PGAP6: variants seen among roughly 807,000 people sequenced by gnomAD.
The protein encoded by PGAP6 is post-GPI attachment to proteins 6, also known as post-GPI attachment to proteins factor 6.
Under a neutral mutation model 68.4 loss-of-function variants are expected in PGAP6, and 62 were observed. The ratio of observed to expected loss-of-function variants is 0.91; its 90% CI spans 0.74 to 1.12. The LOEUF is 1.12. Among genes scored for constraint, PGAP6 ranks in the 50% most tolerant of loss-of-function variants. The pLI is 0.00. For synonymous variants in PGAP6, 575 were observed against 474.0 expected (o/e 1.21, Z -2.77); for missense variants, 1,188 against 1,068.5 (o/e 1.11, Z -1.56).
At position 374,651 on chromosome 16, in the gene PGAP6, G is replaced by T. The variant is rs922645133; in HGVS notation, c.1576+105C>A. ...TTTGCCCCTGCATTGCTCTGCAAGG[G>T]TCTCTCTCCAGCCCCTTGCGGCGCT... is the stretch of plus-strand genomic sequence containing the variant. On this transcript the variant is annotated intron_variant, in intron 9 of 12. Transcript: ENST00000431232. 47 of 1,472,722 alleles carry T rather than the reference G, an allele frequency of 3.2e-5. 1 individual carries two copies. The South Asian group carries it at 6.2e-4, about 19-fold the overall frequency. 91.2% of individuals were successfully genotyped at this position (1,472,722 alleles called of 1,614,324 possible).
Position 380,902 on chromosome 16 carries a change from GC to G in PGAP6, c.121+798del, listed in dbSNP as rs2054431543. Among the ~76,000 whole-genome samples, 6 of 152,322 alleles carry G rather than the reference GC, an allele frequency of 3.9e-5. No individual in the cohort carries two copies. The South Asian group carries it at 1.2e-3, about 32-fold the overall frequency. On this transcript the variant is annotated intron_variant, in intron 1 of 12. Coordinates refer to ENST00000431232, the MANE Select transcript of PGAP6 (RefSeq NM_021259.3). Reference sequence around the variant, plus strand: ...GGGGACGTGTGGGAACTTCCAGCCGGCCAGAAAGGACACGGCCCCTCCAGAG... The same window carrying G: ...GGGGACGTGTGGGAACTTCCAGCCGGCAGAAAGGACACGGCCCCTCCAGAG...
chr16:372,555 C>T (rs1373652369), intron 12 of PGAP6, 56 bp downstream of exon 12: 2 of 1,391,036 alleles, frequency 1.4e-6, no homozygotes, highest in Non-Finnish European at 2.0e-6. Context: ...GAGCAAGGGG[C>T]CAGGCTCTCT....
At position 372,175 on chromosome 16, in the gene PGAP6, T is replaced by A. The variant is rs764742916; in HGVS notation, c.2128A>T (p.Thr710Ser). The A allele has an allele frequency of 9.8e-5, 158 of 1,612,298 alleles. 1 individual carries two copies. Among genetic ancestry groups the A allele is most frequent in the Non-Finnish European group, 1.3e-4 (148 of 1,179,856 alleles). ...SMASVGIAIY[T>S]SMMTSDNYYY... Reference sequence around the variant, plus strand: ...TAGTTGTCGCTAGTCATCATGGAGGTGTAGATGGCGATGCCCACAGAGGCC... The same window carrying A: ...TAGTTGTCGCTAGTCATCATGGAGGAGTAGATGGCGATGCCCACAGAGGCC... The change falls in exon 13 of 13, where the codon ACC (threonine) becomes TCC (serine). Residue 710 changes from threonine (T) to serine (S), a missense_variant. By Grantham distance (58) the Thr-to-Ser change is moderately conservative (BLOSUM62 1). Coordinates refer to ENST00000431232, the MANE Select transcript of PGAP6 (RefSeq NM_021259.3).
chr16:379,541 C>T (rs2054420889), intron 1 of PGAP6, among the ~76,000 whole-genome samples: 1 of 152,234 alleles, frequency 6.6e-6, no homozygotes, highest in African/African-American at 2.4e-5. Context: ...CCCCCCAGGA[C>T]CACGGTGTCC....
Position 377,117 on chromosome 16 carries a change from GACCAGCAGTTC to G in PGAP6, c.544_554del (p.Glu182HisfsTer65). On this transcript the variant is annotated frameshift_variant, in exon 4 of 13. Coordinates refer to ENST00000431232, the MANE Select transcript of PGAP6 (RefSeq NM_021259.3). LOFTEE classifies it high-confidence loss of function. ...TGATGGAAATCTCGACCACCCGCGT[GACCAGCAGTTC>G]AGGCTGGAAGACGTAGGCACAGGTG... 2 of 1,613,668 alleles carry G rather than the reference GACCAGCAGTTC, an allele frequency of 1.2e-6. No individual in the cohort carries two copies. The highest frequency in any genetic ancestry group is 1.7e-6 in the Non-Finnish European group (2 of 1,180,016).
At chr16:375,031 C>A in intron 8 of PGAP6, 102 bp downstream of exon 8, 1 of 1,576,420 alleles carries the variant, frequency 6.3e-7, no homozygotes, top group Non-Finnish European at 8.6e-7. Context: ...AAGCACCCCT[C>A]TAGCTGGGTC....
At chr16:372,384 C>A in intron 12 of PGAP6, 101 bp from the exon 13 acceptor site, 1 of 1,327,990 alleles carries the variant, frequency 7.5e-7, no homozygotes, top group South Asian at 1.3e-5. Context: ...CAGGTCTGGG[C>A]AGCAGAACGA....
intron 1 of PGAP6, among the ~76,000 whole-genome samples, chr16:378,907 A>G (rs114096208): frequency 0.014 from 2,058 of 152,322 alleles, 60 homozygotes; most frequent in African/African-American, 0.047. Flanking sequence ...GCGGGGATGG[A>G]GAAGGGCCCG....
chr16:377,071 G>A lies in PGAP6; in HGVS notation c.601C>T (p.Pro201Ser), dbSNP rs115798378. 627 of 1,613,438 alleles carry A rather than the reference G, an allele frequency of 3.9e-4. 2 individuals are homozygous for A. The African/African-American group carries it at 7.5e-3, about 19-fold the overall frequency. ...ISIMEPDVPL[P>S]QTLLSHPSYL... ...CTGGGATGGGAGAGGAGGGTCTGAG[G>A]AAGGGGCACGTCCGGCTCCATGATG... The change falls in exon 4 of 13, where the codon CCT (proline) becomes TCT (serine). Residue 201 changes from proline (P) to serine (S), a missense_variant. Coordinates refer to ENST00000431232, the MANE Select transcript of PGAP6 (RefSeq NM_021259.3).
At chr16:378,227 C>CTGCCATCCCCACCCGCAT (rs2054405651) in intron 1 of PGAP6, among the ~76,000 whole-genome samples, 1 of 59,190 alleles carries the variant, frequency 1.7e-5, no homozygotes, top group Admixed American at 1.7e-4. Flanking sequence ...GCCACCCTGA[C>CTGCCATCCCCACCCGCAT]TGCCATCGCC....
rs535152893 is a variant in PGAP6 at position 377,945 on chromosome 16, C to G, written c.122-97G>C. On this transcript the variant is annotated intron_variant, in intron 1 of 12. Coordinates refer to ENST00000431232, the MANE Select transcript of PGAP6 (RefSeq NM_021259.3). The stretch of plus-strand genomic sequence containing the variant: ...CCAGATGGAAAGGGCTGGAAGCCCC[C>G]GGGGACCCACCTGGAGATCTTGGCA... 43 of 1,115,374 alleles carry G rather than the reference C, an allele frequency of 3.9e-5. No homozygotes were observed. In the African/African-American group the frequency reaches 5.7e-4, roughly 15 times the overall value. The allele number at this position is 1,115,374 out of a possible 1,614,324, so 69.1% of individuals were successfully genotyped here. A position where few individuals can be genotyped will look rare whatever the true frequency, so the allele number is the denominator to read the frequency against.
At chr16:374,449 A>G in intron 9 of PGAP6, 50 bp from the exon 10 acceptor site, 1 of 1,497,642 alleles carries the variant, frequency 6.7e-7, no homozygotes, top group Non-Finnish European at 8.9e-7. Context: ...GCTGAACCTC[A>G]GGGCCCACCC....
At chr16:381,129 G>A (rs2054433676) in intron 1 of PGAP6, among the ~76,000 whole-genome samples, 1 of 152,248 alleles carries the variant, frequency 6.6e-6, no homozygotes, top group Non-Finnish European at 1.5e-5. Flanking sequence ...AACAAGAGGG[G>A]AGAGGGGCGC....
chr16:382,870 AG>A (rs746915051), upstream of PGAP6, among the ~76,000 whole-genome samples: 99 of 152,300 alleles, frequency 6.5e-4, no homozygotes, highest in Non-Finnish European at 1.2e-3. Context: ...TAATAAGACT[AG>A]TAACAGTGCA....
chr16:373,822 TG>T lies in PGAP6; in HGVS notation c.1902+182del, dbSNP rs530154724. 4.7e-3 allele frequency among the ~76,000 whole-genome samples: 476 copies of T among 101,924 alleles called. 1 individual carries two copies. The highest frequency in any genetic ancestry group is 6.5e-3 in the Non-Finnish European group (305 of 46,586). The allele number at this position is 101,924 out of a possible 152,430, so 66.9% of individuals were successfully genotyped here. ...CCATGCTCGGCCAAGGCATTACAGGTGTGAGCCACCATGCTCGGCCTAGGGA... is the reference window on the plus strand; with the variant it reads ...CCATGCTCGGCCAAGGCATTACAGGTTGAGCCACCATGCTCGGCCTAGGGA... On this transcript the variant is annotated intron_variant, in intron 11 of 12. Transcript: ENST00000431232.
At position 376,362 on chromosome 16, in the gene PGAP6, G is replaced by T. The variant is rs781164361; in HGVS notation, c.998C>A (p.Pro333His). The T allele has an allele frequency of 6.2e-7, 1 of 1,612,090 alleles. No individual in the cohort carries two copies. Among genetic ancestry groups the T allele is most frequent in the South Asian group, 1.1e-5 (1 of 91,064 alleles). Reference protein sequence around the residue: ...NASSGLLSPSPDHQDLGRSGR... With the variant: ...NASSGLLSPSHDHQDLGRSGR... ...ACTCCTGCCCAGGTCCTGGTGGTCG[G>T]GGCTCGGGGACAGCAGACCAGAGGA... The change falls in exon 6 of 13, where the codon CCC (proline) becomes CAC (histidine). Residue 333 changes from proline to histidine, a missense_variant. Transcript: ENST00000431232.
At position 375,414 on chromosome 16, in the gene PGAP6, C is replaced by G; in HGVS notation, c.1246G>C (p.Val416Leu). 2.5e-6 allele frequency: 4 copies of G among 1,612,544 alleles called. No individual in the cohort carries two copies. The highest frequency in any genetic ancestry group is 3.4e-6 in the Non-Finnish European group (4 of 1,179,946). ...GCAGCATTCACGCAGGCCACTACGA[C>G]GGTCTCGTTCCGCATCTCTGTCTGG... ...ANKTEMRNET[V>L]VVACVNAASP... Residue 416 changes from valine (V) to leucine (L), a missense_variant, in exon 7 of 13, where the codon GTC becomes CTC. Val to Leu is a conservative substitution (Grantham distance 32, BLOSUM62 1). Coordinates refer to ENST00000431232, the MANE Select transcript of PGAP6 (RefSeq NM_021259.3).
At chr16:378,120 G>A (rs1359999116) in intron 1 of PGAP6, among the ~76,000 whole-genome samples, 1 of 151,530 alleles carries the variant, frequency 6.6e-6, no homozygotes, top group Non-Finnish European at 1.5e-5. Context: ...TTCCAAACAA[G>A]CCGCAGGGTA....
intron 1 of PGAP6, among the ~76,000 whole-genome samples, chr16:379,453 AC>A (rs1437701552): frequency 6.6e-6 from 1 of 152,232 alleles, no homozygotes; most frequent in Admixed American, 6.5e-5. Flanking sequence ...TCTGCTGGCC[AC>A]CAGGTCCCAC....
Sources: allele counts gnomAD v4.1 joint callset (sites outside exome capture counted in the v4.1 genomes callset), GRCh38; gene constraint gnomAD v4.1.1; transcripts MANE v1.5; gene names NCBI Gene and HGNC (gene_info 2026-07-23, HGNC 2026-07-21).